Variants in SEMA4A observed in about 807,000 individuals in gnomAD.
SEMA4A encodes semaphorin 4A, also known as semaphorin-4A.
A neutral mutation model predicts 72.5 loss-of-function variants in SEMA4A; 52 were observed. The observed-to-expected ratio is 0.72, with a 90% CI of 0.57 to 0.90. The LOEUF (loss-of-function observed/expected upper bound fraction) is 0.90. SEMA4A is among the 40% of genes least tolerant of loss of function. The pLI is 0.00. For missense variants in SEMA4A, 926 were observed against 959.7 expected (o/e 0.96, Z 0.46); for synonymous variants, 369 against 393.1 (o/e 0.94, Z 0.73).
chr1:156,174,711 G>T, intron 11 of SEMA4A, 111 bp from the exon 12 acceptor site: 1 of 1,345,178 alleles, frequency 7.4e-7, no homozygotes, highest in South Asian at 1.2e-5. Flanking sequence ...CCCGCGCCCA[G>T]TACATATCAC....
At chr1:156,161,615 A>G in intron 9 of SEMA4A, 97 bp downstream of exon 9, 3 of 1,329,690 alleles carry the variant, frequency 2.3e-6, no homozygotes, top group Non-Finnish European at 2.1e-6. Context: ...ATGAGCCAGC[A>G]CCTACTCAGC....
intron 10 of SEMA4A, among the ~76,000 whole-genome samples, chr1:156,163,935 T>G (rs1188603940): frequency 6.7e-6 from 1 of 149,042 alleles, no homozygotes; most frequent in East Asian, 2.0e-4. Flanking sequence ...GAGGCTGAGG[T>G]GGGAGGATCA....
In SEMA4A at chr1:156,158,546, G is replaced by A. The variant is rs10908489; in HGVS notation, c.462+60G>A. 0.04 allele frequency: 56,705 copies of A among 1,431,416 alleles called. 2,019 individuals are homozygous for A. The highest frequency in any genetic ancestry group is 0.14 in the African/African-American group (9,833 of 70,950). The allele number at this position is 1,431,416 out of a possible 1,614,324, so 88.7% of individuals were successfully genotyped here. A position where few individuals can be genotyped will look rare whatever the true frequency, so the allele number is the denominator to read the frequency against. ...AGCATCCCTTCTCACATCTACCCAC[G>A]ACTTTCCTCTGTAGCTCTGGAAAAC... On this transcript the variant is annotated intron_variant, in intron 5 of 14. Coordinates refer to ENST00000368285, the MANE Select transcript of SEMA4A (RefSeq NM_022367.4).
At chr1:156,159,108 T>C (rs1653337448) in intron 6 of SEMA4A, 1 of 437,302 alleles carries the variant, frequency 2.3e-6, no homozygotes, top group African/African-American at 2.1e-5. Flanking sequence ...CTGAGGTGGG[T>C]GGATCATGTG....
In SEMA4A at chr1:156,172,837, C is replaced by T. The variant is rs1176161318; in HGVS notation, c.1146C>T (p.Gly382=). 1 of 1,614,106 alleles carries T rather than the reference C, an allele frequency of 6.2e-7. No homozygotes were observed. The change falls in exon 11 of 15, where the codon GGC becomes GGT. Residue 382 remains glycine (G), a synonymous_variant. Coordinates refer to ENST00000368285, the MANE Select transcript of SEMA4A (RefSeq NM_022367.4). ...TNPRPGSCSV[G]PSSDKALTFM... ...CCCTCCTCCTTTAGTGCTCAGTGGG[C>T]CCCTCCTCTGATAAGGCCCTGACCT...
intron 10 of SEMA4A, among the ~76,000 whole-genome samples, chr1:156,171,823 G>A (rs1479908484): frequency 1.3e-5 from 2 of 151,524 alleles, no homozygotes; most frequent in Admixed American, 6.6e-5. Flanking sequence ...TCACTCTGTC[G>A]CCCAAGCTGG....
chr1:156,164,950 G>A (rs889359369), intron 10 of SEMA4A, among the ~76,000 whole-genome samples: 2 of 151,718 alleles, frequency 1.3e-5, no homozygotes, highest in Non-Finnish European at 1.5e-5. Context: ...ACAGGTGTGC[G>A]CCACCACACC....
rs1654949950 is a variant in SEMA4A at position 156,172,983 on chromosome 1, A to G, written c.1292A>G (p.His431Arg). ...GCCCAGGGCCTTGATGGGCACAGCC[A>G]TCTTGTCATGTACCTGGGAACCAGT... Reference protein sequence around the residue: ...ETAQGLDGHSHLVMYLGTTTG... With the variant: ...ETAQGLDGHSRLVMYLGTTTG... Residue 431 changes from histidine to arginine, a missense_variant, in exon 11 of 15, where the codon CAT (histidine) becomes CGT (arginine). His to Arg is a conservative substitution (Grantham distance 29). Transcript: ENST00000368285. 1.6e-5 allele frequency: 26 copies of G among 1,613,984 alleles called. No homozygotes were observed. Among genetic ancestry groups the G allele is most frequent in the Non-Finnish European group, 2.2e-5 (26 of 1,179,940 alleles).
chr1:156,165,653 TC>T (rs1175352024), intron 10 of SEMA4A, among the ~76,000 whole-genome samples: 2 of 151,898 alleles, frequency 1.3e-5, no homozygotes, highest in African/African-American at 4.8e-5. Flanking sequence ...TTCACTGAAA[TC>T]TTTTTTTTTT....
upstream of SEMA4A, among the ~76,000 whole-genome samples, chr1:156,147,696 C>G (rs571775466): frequency 6.6e-6 from 1 of 152,256 alleles, no homozygotes; most frequent in East Asian, 1.9e-4. Flanking sequence ...TAAATTCCAT[C>G]AGCCACTCCT....
chr1:156,168,080 C>T (rs1173549887), intron 10 of SEMA4A, among the ~76,000 whole-genome samples: 2 of 152,054 alleles, frequency 1.3e-5, no homozygotes, highest in Admixed American at 6.6e-5. Context: ...GCCGCCACAG[C>T]ACCCAGCTAA....
At chr1:156,166,786 AG>A (rs1654203919) in intron 10 of SEMA4A, among the ~76,000 whole-genome samples, 1 of 151,976 alleles carries the variant, frequency 6.6e-6, no homozygotes, top group Non-Finnish European at 1.5e-5. Context: ...AAAATCAGCC[AG>A]GCGTGGTGGC....
intron 6 of SEMA4A, chr1:156,159,031 CAAAA>C (rs34840198): frequency 1.4e-3 from 392 of 286,692 alleles, no homozygotes; most frequent in East Asian, 2.0e-3. Context: ...GAGATCGTCT[CAAAA>C]AAAAAAAAAA....
chr1:156,147,757 G>A (rs886222842), upstream of SEMA4A, among the ~76,000 whole-genome samples: 1 of 152,142 alleles, frequency 6.6e-6, no homozygotes, highest in African/African-American at 2.4e-5. Flanking sequence ...CTCCCCACAG[G>A]TGGGGAAATT....
At chr1:156,152,916 G>C (rs1369480815), upstream of SEMA4A, among the ~76,000 whole-genome samples, 1 of 152,150 alleles carries the variant, frequency 6.6e-6, no homozygotes, top group Non-Finnish European at 1.5e-5. Flanking sequence ...CAGAGTTCTT[G>C]GCGCTGGATG....
chr1:156,157,108 A>T lies in SEMA4A; in HGVS notation c.300+534A>T, dbSNP rs1425534344. Reference sequence around the variant, plus strand: ...TGCAAAAATGGCTGATATGGAAATCATTGACATATGAGATAAACACTGACT... The same window carrying T: ...TGCAAAAATGGCTGATATGGAAATCTTTGACATATGAGATAAACACTGACT... On this transcript the variant is annotated intron_variant, in intron 3 of 14. Transcript: ENST00000368285. This position sits in a 1 kb window ranked among gnomAD's most constrained non-coding sequence, Gnocchi z 4.5. Among the ~76,000 whole-genome samples, 1 of 152,180 alleles carries T rather than the reference A, an allele frequency of 6.6e-6. No individual in the cohort carries two copies. Among genetic ancestry groups the T allele is most frequent in the Non-Finnish European group, 1.5e-5 (1 of 68,038 alleles).
upstream of SEMA4A, among the ~76,000 whole-genome samples, chr1:156,147,898 C>T (rs1358111585): frequency 6.6e-6 from 1 of 152,220 alleles, no homozygotes; most frequent in South Asian, 2.1e-4. Context: ...GTGTCCAGCT[C>T]ACTCCAGCGA....
chr1:156,176,703 G>A lies in SEMA4A; in HGVS notation c.1992G>A (p.Pro664=), dbSNP rs185601992. 99 of 1,614,046 alleles carry A rather than the reference G, an allele frequency of 6.1e-5. 1 individual carries two copies. In the East Asian group the frequency reaches 1.5e-3, roughly 24 times the overall value. The change falls in exon 15 of 15, where the codon CCG becomes CCA. Residue 664 remains proline, a synonymous_variant. Coordinates refer to ENST00000368285, the MANE Select transcript of SEMA4A (RefSeq NM_022367.4). ...TCCCCCGGGAGCATGTGAAGGTCCC[G>A]TTGACCAGGGTCAGTGGTGGGGCCG... The part of the protein sequence containing the change: ...AGIPREHVKV[P]LTRVSGGAAL...
Position 156,177,231 on chromosome 1 carries a change from AC to A in SEMA4A, c.*239del. On this transcript the variant is annotated 3_prime_UTR_variant, in exon 15 of 15. Coordinates refer to ENST00000368285, the MANE Select transcript of SEMA4A (RefSeq NM_022367.4). ...TGAGCTCTCTAACAGGGTGGGGGCT[AC>A]CCCCAGACCTGCTCCTACACTGATA... The A allele has an allele frequency of 3.4e-6, 2 of 596,632 alleles. No homozygotes were observed. Among genetic ancestry groups the A allele is most frequent in the Non-Finnish European group, 6.0e-6 (2 of 332,348 alleles). The allele number at this position is 596,632 out of a possible 1,614,324, so 37.0% of individuals were successfully genotyped here.
Sources: gnomAD v4.1 joint callset for allele counts (sites outside exome capture counted in the v4.1 genomes callset) on GRCh38, gnomAD v4.1.1 for gene constraint, Gnocchi (gnomAD v3.1) non-coding constraint, MANE v1.5 for transcripts, NCBI Gene and HGNC (gene_info 2026-07-23, HGNC 2026-07-21) for gene names.